Variants in PAK5 observed in about 807,000 individuals in gnomAD.
The protein encoded by PAK5 is p21 (RAC1) activated kinase 5, also known as serine/threonine-protein kinase PAK 5.
A neutral mutation model predicts 65.9 loss-of-function variants in PAK5; 16 were observed. That is an observed-to-expected ratio of 0.24 (90% CI 0.16 to 0.37). The LOEUF (loss-of-function observed/expected upper bound fraction) is 0.37, where lower values mean the gene tolerates loss of function less well. PAK5 is among the 10% of genes least tolerant of loss of function. The pLI is 1.00. For synonymous variants in PAK5, 371 were observed against 354.9 expected (o/e 1.05, Z -0.51); for missense variants, 785 against 903.9 (o/e 0.87, Z 1.69).
At chr20:9,694,303 T>C (rs1267683830) in intron 2 of PAK5, among the ~76,000 whole-genome samples, 1 of 97,394 alleles carries the variant, frequency 1.0e-5, no homozygotes, top group South Asian at 3.8e-4. Context: ...CGTGTGTGTG[T>C]TTGTGTGTGT....
At chr20:9,559,130 C>G (rs2045556214) in intron 6 of PAK5, among the ~76,000 whole-genome samples, 1 of 152,114 alleles carries the variant, frequency 6.6e-6, no homozygotes. Flanking sequence ...GTTCAGTGCC[C>G]TCAAAATGAC....
chr20:9,836,704 A>G (rs1401414071), intron 1 of PAK5, among the ~76,000 whole-genome samples: 3 of 152,214 alleles, frequency 2.0e-5, no homozygotes, highest in African/African-American at 7.2e-5. Flanking sequence ...AAGGGAATTA[A>G]CATGTTTGAG....
chr20:9,677,448 G>C (rs2047590418), intron 2 of PAK5, among the ~76,000 whole-genome samples: 1 of 152,098 alleles, frequency 6.6e-6, no homozygotes, highest in Admixed American at 6.5e-5. Context: ...TGCACCATAG[G>C]CTGCAACAGG....
At chr20:9,561,908 C>A (rs1901096215) in intron 6 of PAK5, among the ~76,000 whole-genome samples, 2 of 152,156 alleles carry the variant, frequency 1.3e-5, no homozygotes, top group Non-Finnish European at 2.9e-5. Context: ...ATTGCCATTG[C>A]CTGAAAGTTT....
chr20:9,555,455 T>C (rs916775484), intron 7 of PAK5, among the ~76,000 whole-genome samples: 5 of 152,224 alleles, frequency 3.3e-5, no homozygotes, highest in African/African-American at 7.2e-5. Context: ...CAAGGAAGCC[T>C]GTACCATAAA....
intron 1 of PAK5, among the ~76,000 whole-genome samples, chr20:9,720,060 G>C (rs1569057765): frequency 6.6e-6 from 1 of 152,114 alleles, no homozygotes; most frequent in Non-Finnish European, 1.5e-5. Flanking sequence ...AGCTGATTCT[G>C]CTGAGTTTAG....
chr20:9,624,093 G>A (rs1383481826), intron 3 of PAK5, among the ~76,000 whole-genome samples: 1 of 152,160 alleles, frequency 6.6e-6, no homozygotes, highest in African/African-American at 2.4e-5. Flanking sequence ...TGCTGAATAT[G>A]AGGTCCAATA....
At chr20:9,693,163 A>G (rs1408993914) in intron 2 of PAK5, among the ~76,000 whole-genome samples, 1 of 152,136 alleles carries the variant, frequency 6.6e-6, no homozygotes, top group East Asian at 1.9e-4. Flanking sequence ...TTATGATAAG[A>G]GAATACAATT....
At chr20:9,575,493 C>G (rs1019948353) in intron 4 of PAK5, 3 of 152,174 alleles carry the variant, frequency 2.0e-5, no homozygotes, top group Non-Finnish European at 4.4e-5. Flanking sequence ...TCTGGATTAT[C>G]TTTTAAAAAA....
chr20:9,616,659 G>A (rs2046662481), intron 3 of PAK5, among the ~76,000 whole-genome samples: 3 of 152,164 alleles, frequency 2.0e-5, no homozygotes, highest in Admixed American at 2.0e-4. Flanking sequence ...TGGGATGTGG[G>A]GCTCTATGGC....
chr20:9,793,320 T>C (rs2049069910), intron 1 of PAK5, among the ~76,000 whole-genome samples: 1 of 152,090 alleles, frequency 6.6e-6, no homozygotes, highest in African/African-American at 2.4e-5. Context: ...TTTAAAAAGA[T>C]AAAATTTTGT....
chr20:9,644,057 A>G, intron 3 of PAK5, 68 bp downstream of exon 3: 1 of 1,165,326 alleles, frequency 8.6e-7, no homozygotes, highest in Non-Finnish European at 1.3e-6. Context: ...TTGCTTATAA[A>G]GCTGATGCAG....
intron 1 of PAK5, among the ~76,000 whole-genome samples, chr20:9,813,606 A>G (rs535200921): frequency 6.6e-6 from 1 of 152,274 alleles, no homozygotes; most frequent in East Asian, 1.9e-4. Flanking sequence ...GTCCACCAAG[A>G]GCAGAAAAAA....
chr20:9,643,014 TATTTCATAAGC>T (rs1267500813), intron 3 of PAK5, among the ~76,000 whole-genome samples: 3 of 152,240 alleles, frequency 2.0e-5, no homozygotes, highest in African/African-American at 7.2e-5. Flanking sequence ...GGTCAGGTGA[TATTTCATAAGC>T]ATTTCCCATA....
intron 4 of PAK5, among the ~76,000 whole-genome samples, chr20:9,573,165 C>A (rs2045821846): frequency 1.3e-5 from 2 of 150,928 alleles, no homozygotes; most frequent in African/African-American, 2.4e-5. Context: ...TTTTTGTATA[C>A]CATATAAATT....
chr20:9,825,021 A>C (rs2049467588), intron 1 of PAK5, among the ~76,000 whole-genome samples: 1 of 152,224 alleles, frequency 6.6e-6, no homozygotes, highest in African/African-American at 2.4e-5. Context: ...AGGAGAAAGC[A>C]GACATAAACA....
rs1003472594 is a variant in PAK5 at position 9,539,632 on chromosome 20, A to G, written c.2005-15T>C. 5 of 1,611,782 alleles carry G rather than the reference A, an allele frequency of 3.1e-6. No individual in the cohort carries two copies. Among genetic ancestry groups the G allele is most frequent in the Non-Finnish European group, 8.5e-7 (1 of 1,178,996 alleles). ...ACTGAAGAAACCTGTGAAAACACAC[A>G]GATACCAATCTGAGGACTAACACAG... On this transcript the variant is annotated splice_polypyrimidine_tract_variant and intron_variant, in intron 9 of 9. Transcript: ENST00000353224.
intron 1 of PAK5, among the ~76,000 whole-genome samples, chr20:9,833,869 T>C (rs1978939172): frequency 6.6e-6 from 1 of 152,234 alleles, no homozygotes; most frequent in Admixed American, 6.5e-5. Context: ...TTTCTTATTA[T>C]TCACGAGTAT....
Position 9,548,023 on chromosome 20 carries a change from C to T in PAK5, c.1744-3529G>A, listed in dbSNP as rs139996627. On this transcript the variant is annotated intron_variant, in intron 7 of 9. Transcript: ENST00000353224. ...CAAAAGCCTTAACATTTTCACCACA[C>T]CCCATCTTCCTACTGCTGGCGCAAA... is the stretch of plus-strand genomic sequence containing the variant. 7.9e-5 allele frequency among the ~76,000 whole-genome samples: 12 copies of T among 152,324 alleles called. 2 individuals carry two copies. Among genetic ancestry groups the T allele is most frequent in the African/African-American group, 2.9e-4 (12 of 41,576 alleles).
Sources: gnomAD v4.1 joint callset for allele counts (sites outside exome capture counted in the v4.1 genomes callset) on GRCh38, gnomAD v4.1.1 for gene constraint, MANE v1.5 for transcripts, NCBI Gene and HGNC (gene_info 2026-07-23, HGNC 2026-07-21) for gene names.